MRTFB: variants seen among roughly 807,000 people sequenced by gnomAD.
MRTFB encodes myocardin related transcription factor B, also known as myocardin-related transcription factor B.
In MRTFB, 29 loss-of-function variants were observed where a neutral mutation model predicts 104.2. The ratio of observed to expected loss-of-function variants is 0.28; its 90% CI spans 0.21 to 0.38. The LOEUF is 0.38. MRTFB is among the 10% of genes least tolerant of loss of function. The pLI is 1.00. For missense variants in MRTFB, 1,270 were observed against 1,341.6 expected (o/e 0.95, Z 0.83); for synonymous variants, 535 against 519.5 (o/e 1.03, Z -0.41).
the MRTFB span, among the ~76,000 whole-genome samples, chr16:14,053,623 C>G: frequency 6.6e-6 from 1 of 151,008 alleles, no homozygotes; most frequent in African/African-American, 2.4e-5. Flanking sequence ...CCCAGCTACT[C>G]AGGAGGCTGA....
the MRTFB span, among the ~76,000 whole-genome samples, chr16:14,036,296 T>TATATATATA: frequency 3.1e-5 from 3 of 98,354 alleles, no homozygotes; most frequent in South Asian, 3.9e-4. Flanking sequence ...TTATATATAT[T>TATATATATA]TATATATATA....
chr16:14,145,878 G>T (rs952718488), intron 3 of MRTFB, among the ~76,000 whole-genome samples: 1 of 152,234 alleles, frequency 6.6e-6, no homozygotes, highest in African/African-American at 2.4e-5. Flanking sequence ...AGCAAGGAAA[G>T]ACAAAGTGGG....
At chr16:14,251,376 C>G (rs1442880580) in intron 13 of MRTFB, among the ~76,000 whole-genome samples, 1 of 44,708 alleles carries the variant, frequency 2.2e-5, no homozygotes, top group African/African-American at 7.7e-5. Flanking sequence ...GACTCCGTCT[C>G]AAAAAAAAAA....
At chr16:14,084,175 T>G (rs999450949) in intron 2 of MRTFB, among the ~76,000 whole-genome samples, 1 of 152,234 alleles carries the variant, frequency 6.6e-6, no homozygotes, top group African/African-American at 2.4e-5. Context: ...TGTTACTATT[T>G]CAAATACTGA....
the MRTFB span, among the ~76,000 whole-genome samples, chr16:14,027,254 C>T: frequency 3.5e-4 from 53 of 151,986 alleles, no homozygotes; most frequent in African/African-American, 1.3e-3. Flanking sequence ...AAGGATACAA[C>T]GCTGTGTGAA....
chr16:14,117,110 A>G (rs1477369227), intron 2 of MRTFB, among the ~76,000 whole-genome samples: 1 of 152,242 alleles, frequency 6.6e-6, no homozygotes, highest in Non-Finnish European at 1.5e-5. Flanking sequence ...TTCTCTTTGA[A>G]TAACTACTCC....
At chr16:14,237,074 G>A (rs893952063) in intron 9 of MRTFB, among the ~76,000 whole-genome samples, 1 of 152,224 alleles carries the variant, frequency 6.6e-6, no homozygotes, top group Admixed American at 6.5e-5. Context: ...GTGAGGTGCT[G>A]TGCAGGCACC....
chr16:14,081,812 C>T (rs2034429019), intron 2 of MRTFB, among the ~76,000 whole-genome samples: 1 of 152,066 alleles, frequency 6.6e-6, no homozygotes, highest in Non-Finnish European at 1.5e-5. Flanking sequence ...AGACTCTGGG[C>T]TCAAGCAGTC....
At chr16:14,155,626 C>G (rs1280969690) in intron 3 of MRTFB, among the ~76,000 whole-genome samples, 2 of 152,128 alleles carry the variant, frequency 1.3e-5, no homozygotes, top group Non-Finnish European at 2.9e-5. Flanking sequence ...CAAGGCCTTT[C>G]TTAAATTTTT....
At chr16:14,022,922 C>T in the MRTFB span, among the ~76,000 whole-genome samples, 1 of 151,804 alleles carries the variant, frequency 6.6e-6, no homozygotes, top group Non-Finnish European at 1.5e-5. Context: ...GTCTCAAACT[C>T]CCGACCTCAA....
chr16:14,190,632 A>G (rs1314692391), intron 3 of MRTFB, among the ~76,000 whole-genome samples: 1 of 152,026 alleles, frequency 6.6e-6, no homozygotes, highest in African/African-American at 2.4e-5. Flanking sequence ...AAGATACTAC[A>G]GAAAGAAAAC....
At chr16:14,258,646 T>C (rs1442204449) in intron 16 of MRTFB, among the ~76,000 whole-genome samples, 1 of 152,224 alleles carries the variant, frequency 6.6e-6, no homozygotes, top group African/African-American at 2.4e-5. Context: ...TTAAATTCCA[T>C]GTTGAATAGC....
At chr16:14,109,419 T>C (rs2036159367) in intron 2 of MRTFB, among the ~76,000 whole-genome samples, 2 of 152,192 alleles carry the variant, frequency 1.3e-5, no homozygotes, top group Non-Finnish European at 2.9e-5. Context: ...ATGAATAGTA[T>C]GAGGATATCA....
chr16:14,102,165 A>G (rs1449613957), intron 2 of MRTFB, among the ~76,000 whole-genome samples: 1 of 152,152 alleles, frequency 6.6e-6, no homozygotes, highest in Non-Finnish European at 1.5e-5. Context: ...TTAAAAAAAA[A>G]AAAAGAAATT....
At chr16:14,070,721 G>C (rs547309841), upstream of MRTFB, among the ~76,000 whole-genome samples, 8 of 152,384 alleles carry the variant, frequency 5.2e-5, no homozygotes, top group African/African-American at 1.7e-4. Context: ...GAGAGGCAGC[G>C]CCTTGAGCCT....
At chr16:14,240,064 T>C (rs545887331) in intron 9 of MRTFB, among the ~76,000 whole-genome samples, 173 bp from the exon 10 acceptor site, 3 of 152,350 alleles carry the variant, frequency 2.0e-5, no homozygotes, top group African/African-American at 7.2e-5. Flanking sequence ...TCAAAGTTAA[T>C]ATGCAAACGT....
intron 4 of MRTFB, 49 bp downstream of exon 4, chr16:14,210,357 G>T: frequency 6.9e-7 from 1 of 1,455,244 alleles, no homozygotes. Flanking sequence ...GAACATGACG[G>T]GCGTGTCCAA....
intron 8 of MRTFB, among the ~76,000 whole-genome samples, chr16:14,231,351 A>G (rs2042256775): frequency 1.3e-5 from 2 of 152,212 alleles, no homozygotes; most frequent in South Asian, 2.1e-4. Flanking sequence ...TTACTGTGGA[A>G]CAAAATAAGT....
intron 3 of MRTFB, 117 bp from the exon 4 acceptor site, chr16:14,210,126 T>C: frequency 1.4e-6 from 1 of 694,088 alleles, no homozygotes; most frequent in Non-Finnish European, 2.4e-6. Flanking sequence ...ATATCCTTCT[T>C]TTTAATTGTG....
Sources: gnomAD v4.1 joint callset for allele counts (sites outside exome capture counted in the v4.1 genomes callset) on GRCh38, gnomAD v4.1.1 for gene constraint, MANE v1.5 for transcripts, NCBI Gene and HGNC (gene_info 2026-07-23, HGNC 2026-07-21) for gene names.